Variants in LRRC8C observed in about 807,000 individuals in gnomAD.
LRRC8C encodes the protein leucine rich repeat containing 8 VRAC subunit C.
Under a neutral mutation model 55.3 loss-of-function variants are expected in LRRC8C, and 20 were observed. The observed-to-expected ratio is 0.36, with a 90% CI of 0.25 to 0.53. LRRC8C has a LOEUF of 0.53. Among genes scored for constraint, LRRC8C ranks in the 20% least tolerant of loss-of-function variants. LRRC8C has a pLI of 0.92. For missense variants in LRRC8C, 659 were observed against 951.4 expected (o/e 0.69, Z 4.04); for synonymous variants, 376 against 360.7 (o/e 1.04, Z -0.48).
At chr1:89,681,520 A>G (rs919314432) in intron 1 of LRRC8C, among the ~76,000 whole-genome samples, 3 of 152,210 alleles carry the variant, frequency 2.0e-5, no homozygotes, top group African/African-American at 7.2e-5. Context: ...GTCATTTATA[A>G]AGAAAAAGGT....
At chr1:89,651,058 AT>A (rs1405523045) in intron 1 of LRRC8C, among the ~76,000 whole-genome samples, 1 of 152,216 alleles carries the variant, frequency 6.6e-6, no homozygotes, top group African/African-American at 2.4e-5. Flanking sequence ...GTGGGTAACA[AT>A]AGCATATATG....
the LRRC8C span, among the ~76,000 whole-genome samples, chr1:89,622,526 G>A: frequency 2.0e-5 from 3 of 151,972 alleles, no homozygotes; most frequent in South Asian, 4.2e-4. Flanking sequence ...GTAGAGACGG[G>A]GTTTCACTGT....
At chr1:89,688,723 G>T (rs902871398) in intron 2 of LRRC8C, among the ~76,000 whole-genome samples, 3 of 152,198 alleles carry the variant, frequency 2.0e-5, no homozygotes, top group Non-Finnish European at 2.9e-5. Flanking sequence ...TTTCCCCGGA[G>T]ACCTGATAAA....
At chr1:89,684,119 A>G (rs916236418) in intron 1 of LRRC8C, among the ~76,000 whole-genome samples, 4 of 152,164 alleles carry the variant, frequency 2.6e-5, no homozygotes, top group African/African-American at 9.7e-5. Context: ...CACTTCTAGT[A>G]TGGTAAATAT....
At chr1:89,696,190 A>G (rs560705027) in intron 2 of LRRC8C, among the ~76,000 whole-genome samples, 1 of 152,224 alleles carries the variant, frequency 6.6e-6, no homozygotes, top group Non-Finnish European at 1.5e-5. Context: ...TGCAGGAGCT[A>G]TACAGACATA....
In LRRC8C at chr1:89,714,896, G is replaced by A; in HGVS notation, c.2326G>A (p.Ala776Thr). The A allele has an allele frequency of 6.2e-7, 1 of 1,614,078 alleles. No individual in the cohort carries two copies. The highest frequency in any genetic ancestry group is 8.5e-7 in the Non-Finnish European group (1 of 1,179,988). ...ILPPELGDCR[A>T]LKRAGLVVED... ...CCCTCCTGAACTGGGTGACTGTCGG[G>A]CTCTGAAGCGAGCTGGTTTAGTTGT... Residue 776 changes from alanine to threonine, a missense_variant, in exon 3 of 3, where the codon GCT becomes ACT. This residue lies in a region of LRRC8C where 344 missense variants were observed against 464.6 expected (regional missense o/e 0.74). Transcript: ENST00000370454. The surrounding 1 kb of genome is among the most constrained non-coding windows in gnomAD (Gnocchi z 4.6).
chr1:89,645,910 TAATG>T (rs1055602270), intron 1 of LRRC8C, among the ~76,000 whole-genome samples: 2 of 151,462 alleles, frequency 1.3e-5, no homozygotes, highest in Non-Finnish European at 2.9e-5. Context: ...TGGGAAAAAA[TAATG>T]AGATAGCTAA....
At chr1:89,637,057 A>G (rs926922094) in intron 1 of LRRC8C, among the ~76,000 whole-genome samples, 2 of 152,158 alleles carry the variant, frequency 1.3e-5, no homozygotes, top group Admixed American at 1.3e-4. Flanking sequence ...GACTTGTTCA[A>G]CCGAGGCTTC....
intron 2 of LRRC8C, among the ~76,000 whole-genome samples, chr1:89,701,591 C>T (rs185771521): frequency 1.3e-5 from 2 of 152,140 alleles, no homozygotes; most frequent in African/African-American, 4.8e-5. Flanking sequence ...GAAATTCGGC[C>T]TTTCTGGTGG....
intron 2 of LRRC8C, 110 bp downstream of exon 2, chr1:89,686,721 G>A: frequency 8.3e-7 from 1 of 1,200,202 alleles, no homozygotes; most frequent in Non-Finnish European, 1.2e-6. Context: ...ATTAGTCACT[G>A]TTCTCTGTGG....
At chr1:89,662,524 A>T (rs527735102) in intron 1 of LRRC8C, among the ~76,000 whole-genome samples, 1 of 152,304 alleles carries the variant, frequency 6.6e-6, no homozygotes, top group South Asian at 2.1e-4. Flanking sequence ...AATCAGGAAG[A>T]TATTGCAATA....
At chr1:89,686,659 G>C in intron 2 of LRRC8C, 48 bp downstream of exon 2, 2 of 1,605,252 alleles carry the variant, frequency 1.2e-6, no homozygotes, top group Non-Finnish European at 1.7e-6. Flanking sequence ...CAAAGCACAA[G>C]TCATTGAAAC....
At chr1:89,637,946 G>A (rs988432372) in intron 1 of LRRC8C, among the ~76,000 whole-genome samples, 79 of 152,054 alleles carry the variant, frequency 5.2e-4, no homozygotes, top group African/African-American at 1.8e-3. Flanking sequence ...TCTAACATTC[G>A]GTGTATCTAA....
rs372144445 is a variant in LRRC8C at position 89,669,943 on chromosome 1, A to G, written c.-4-16527A>G. 1.2e-4 allele frequency among the ~76,000 whole-genome samples: 19 copies of G among 152,220 alleles called. No individual in the cohort carries two copies. In the East Asian group the frequency reaches 2.1e-3, roughly 17 times the overall value. ...TTTCTTTTTTCTTTTGCCTTTTCCTATAATAAAACCAGATATTTGAGTGGA... is the reference window on the plus strand; with the variant it reads ...TTTCTTTTTTCTTTTGCCTTTTCCTGTAATAAAACCAGATATTTGAGTGGA... On this transcript the variant is annotated intron_variant, in intron 1 of 2. Transcript: ENST00000370454.
At chr1:89,687,536 T>C (rs527377293) in intron 2 of LRRC8C, among the ~76,000 whole-genome samples, 1 of 152,054 alleles carries the variant, frequency 6.6e-6, no homozygotes, top group Non-Finnish European at 1.5e-5. Context: ...AGGGAGAATG[T>C]GATGAGGAAG....
intron 1 of LRRC8C, among the ~76,000 whole-genome samples, chr1:89,650,011 G>T (rs1557648608): frequency 6.6e-6 from 1 of 152,140 alleles, no homozygotes; most frequent in East Asian, 1.9e-4. Flanking sequence ...TAGTAGTTGA[G>T]TCCTAGGTAT....
At chr1:89,666,546 T>G (rs899176592) in intron 1 of LRRC8C, among the ~76,000 whole-genome samples, 1 of 152,152 alleles carries the variant, frequency 6.6e-6, no homozygotes, top group Non-Finnish European at 1.5e-5. Flanking sequence ...TCCATGCAGA[T>G]CTCTCAGGTG....
intron 1 of LRRC8C, among the ~76,000 whole-genome samples, chr1:89,682,299 CAGTAGATA>C (rs1421235149): frequency 6.6e-6 from 1 of 152,138 alleles, no homozygotes; most frequent in Non-Finnish European, 1.5e-5. Context: ...TATTAAGAAG[CAGTAGATA>C]ATACTTATAT....
At chr1:89,706,520 A>C (rs1570740432) in intron 2 of LRRC8C, 1 of 333,560 alleles carries the variant, frequency 3.0e-6, no homozygotes, top group Non-Finnish European at 5.9e-6. Flanking sequence ...TCATACAAAA[A>C]TGTAGCCATA....
Sources: allele counts gnomAD v4.1 joint callset (sites outside exome capture counted in the v4.1 genomes callset), GRCh38; gene constraint gnomAD v4.1.1; regional missense constraint gnomAD v4.1.1; non-coding constraint Gnocchi (gnomAD v3.1); transcripts MANE v1.5; gene names NCBI Gene and HGNC (gene_info 2026-07-23, HGNC 2026-07-21).